Variants in CDR2 observed in about 807,000 individuals in gnomAD.
CDR2 encodes cerebellar degeneration related protein 2, also known as cerebellar degeneration-related protein 2.
Under a neutral mutation model 48.4 loss-of-function variants are expected in CDR2, and 34 were observed. The observed-to-expected ratio is 0.70, with a 90% CI of 0.53 to 0.94. The LOEUF (loss-of-function observed/expected upper bound fraction) is 0.94. CDR2 is among the 40% of genes least tolerant of loss of function. The pLI, the probability that CDR2 is intolerant of heterozygous loss-of-function variation, is 0.00. For missense variants in CDR2, 498 were observed against 549.5 expected (o/e 0.91, Z 0.94); for synonymous variants, 240 against 219.7 (o/e 1.09, Z -0.82).
intron 2 of CDR2, among the ~76,000 whole-genome samples, chr16:22,355,987 T>TTCA (rs1294205460): frequency 1.3e-5 from 2 of 152,214 alleles, no homozygotes; most frequent in Non-Finnish European, 2.9e-5. Flanking sequence ...TATCTGTGAC[T>TTCA]TCATCATCAA....
At chr16:22,372,743 CTG>C (rs1207583938) in intron 1 of CDR2, among the ~76,000 whole-genome samples, 5 of 152,166 alleles carry the variant, frequency 3.3e-5, no homozygotes, top group African/African-American at 4.8e-5. Flanking sequence ...AGCTTGGACT[CTG>C]TAAGTGTAAT....
rs748095067 is a variant in CDR2 at position 22,349,867 on chromosome 16, G to A, written c.193-18C>T. 7 of 1,613,278 alleles carry A rather than the reference G, an allele frequency of 4.3e-6. No individual in the cohort carries two copies. In the East Asian group the frequency reaches 6.7e-5, roughly 15 times the overall value. ...GTCAGATACTGTAAGAGAAGATCAG[G>A]ACCAGGTGACACAAACAGATAAGAT... On this transcript the variant is annotated intron_variant, in intron 2 of 4. Coordinates refer to ENST00000268383, the MANE Select transcript of CDR2 (RefSeq NM_001802.2).
At chr16:22,365,802 T>C (rs1361724340) in intron 1 of CDR2, among the ~76,000 whole-genome samples, 1 of 152,208 alleles carries the variant, frequency 6.6e-6, no homozygotes, top group Non-Finnish European at 1.5e-5. Context: ...ACATACGTCA[T>C]TGAAATACTT....
intron 1 of CDR2, among the ~76,000 whole-genome samples, chr16:22,370,159 T>C (rs1324220437): frequency 6.6e-6 from 1 of 152,222 alleles, no homozygotes; most frequent in Admixed American, 6.5e-5. Flanking sequence ...AGCTGTAGTC[T>C]GTAGGAGTAA....
At chr16:22,373,411 C>T (rs754558732) in intron 1 of CDR2, among the ~76,000 whole-genome samples, 1 of 152,196 alleles carries the variant, frequency 6.6e-6, no homozygotes, top group Non-Finnish European at 1.5e-5. Flanking sequence ...CTGAAAAAAA[C>T]TGTAAACTAG....
At chr16:22,364,759 A>C (rs2049033779) in intron 2 of CDR2, 143 bp downstream of exon 2, 1 of 546,840 alleles carries the variant, frequency 1.8e-6, no homozygotes, top group Non-Finnish European at 3.3e-6. Context: ...GCTACTCGGG[A>C]GGCGGTTCTC....
At chr16:22,370,784 T>G (rs1368284902) in intron 1 of CDR2, among the ~76,000 whole-genome samples, 1 of 152,194 alleles carries the variant, frequency 6.6e-6, no homozygotes, top group East Asian at 1.9e-4. Context: ...AGGTTAGAAA[T>G]TTCCAGCAAT....
chr16:22,366,211 C>G (rs1567349331), intron 1 of CDR2, among the ~76,000 whole-genome samples: 1 of 152,126 alleles, frequency 6.6e-6, no homozygotes, highest in Non-Finnish European at 1.5e-5. Context: ...TAACTAAACT[C>G]ACATACTGTG....
chr16:22,371,270 T>C (rs150539834), intron 1 of CDR2, among the ~76,000 whole-genome samples: 15 of 151,996 alleles, frequency 9.9e-5, no homozygotes, highest in South Asian at 6.2e-4. Flanking sequence ...GTAATAATAA[T>C]GAGGATGTTA....
intron 2 of CDR2, among the ~76,000 whole-genome samples, chr16:22,353,127 A>G (rs977536768): frequency 3.9e-5 from 6 of 152,210 alleles, no homozygotes; most frequent in African/African-American, 1.4e-4. Flanking sequence ...ACTCAGAACT[A>G]CCTTTAAAAA....
intron 2 of CDR2, 136 bp downstream of exon 2, chr16:22,364,766 T>A: frequency 1.8e-6 from 1 of 561,650 alleles, no homozygotes; most frequent in Non-Finnish European, 3.2e-6. Context: ...GGGAGGCGGT[T>A]CTCATTCTCA....
intron 1 of CDR2, among the ~76,000 whole-genome samples, chr16:22,369,836 T>C (rs1248627335): frequency 1.3e-5 from 2 of 152,100 alleles, no homozygotes; most frequent in Non-Finnish European, 2.9e-5. Flanking sequence ...ATAGTTTTAA[T>C]TAAGGCACAA....
Position 22,347,084 on chromosome 16 carries a change from G to A in CDR2, c.1246C>T (p.Pro416Ser). ...ASVNPEPVSS[P>S]TTPPEYKALF... ...GCTTTGTATTCTGGAGGTGTTGTAGGGGAACTCACGGGCTCTGGGTTGACA... is the reference window on the plus strand; with the variant it reads ...GCTTTGTATTCTGGAGGTGTTGTAGAGGAACTCACGGGCTCTGGGTTGACA... Residue 416 changes from proline to serine, a missense_variant, in exon 5 of 5, where the codon CCT becomes TCT. Physicochemically the swap from Pro to Ser is moderately conservative, Grantham distance 74 (BLOSUM62 -1). Coordinates refer to ENST00000268383, the MANE Select transcript of CDR2 (RefSeq NM_001802.2). 6.2e-7 allele frequency: 1 copy of A among 1,614,190 alleles called. No homozygotes were observed.
intron 1 of CDR2, among the ~76,000 whole-genome samples, chr16:22,372,774 T>C (rs2049086989): frequency 6.6e-6 from 1 of 152,222 alleles, no homozygotes; most frequent in South Asian, 2.1e-4. Flanking sequence ...ATTACTTTGG[T>C]TAAAGTGATT....
intron 2 of CDR2, among the ~76,000 whole-genome samples, chr16:22,360,737 A>ATTTTTTTTTT (rs1192868901): frequency 9.6e-6 from 1 of 104,360 alleles, no homozygotes; most frequent in African/African-American, 3.7e-5. Flanking sequence ...TAAAAAAATG[A>ATTTTTTTTTT]TCTTTTTTTT....
At chr16:22,356,255 CAAAG>C (rs1037326991) in intron 2 of CDR2, among the ~76,000 whole-genome samples, 4 of 152,186 alleles carry the variant, frequency 2.6e-5, no homozygotes, top group Admixed American at 6.5e-5. Flanking sequence ...TCCATGGCAC[CAAAG>C]AAAGATTATA....
intron 4 of CDR2, among the ~76,000 whole-genome samples, chr16:22,348,553 G>A (rs2048922044): frequency 6.6e-6 from 1 of 152,172 alleles, no homozygotes; most frequent in Non-Finnish European, 1.5e-5. Flanking sequence ...TACTGTTGCT[G>A]TGGTGATTTT....
At chr16:22,349,879 C>G in intron 2 of CDR2, 30 bp from the exon 3 acceptor site, 1 of 1,610,938 alleles carries the variant, frequency 6.2e-7, no homozygotes, top group Non-Finnish European at 8.5e-7. Flanking sequence ...CCAGGTGACA[C>G]AAACAGATAA....
intron 1 of CDR2, among the ~76,000 whole-genome samples, chr16:22,371,183 C>G (rs1338049918): frequency 6.6e-6 from 1 of 151,878 alleles, no homozygotes; most frequent in African/African-American, 2.4e-5. Flanking sequence ...TGCACTCCAG[C>G]CTGGGGACAG....
Sources: gnomAD v4.1 joint callset for allele counts (sites outside exome capture counted in the v4.1 genomes callset) on GRCh38, gnomAD v4.1.1 for gene constraint, MANE v1.5 for transcripts, NCBI Gene and HGNC (gene_info 2026-07-23, HGNC 2026-07-21) for gene names.